Variants in AEBP2 observed in about 807,000 individuals in gnomAD.
AEBP2 encodes AE binding protein 2, also known as zinc finger protein AEBP2.
Under a neutral mutation model 50.8 loss-of-function variants are expected in AEBP2, and 10 were observed. The observed-to-expected ratio is 0.20, with a 90% CI of 0.12 to 0.33. AEBP2 has a LOEUF of 0.33. AEBP2 is among the 10% of genes least tolerant of loss of function. AEBP2 has a pLI of 1.00. For synonymous variants in AEBP2, 296 were observed against 261.3 expected (o/e 1.13, Z -1.28); for missense variants, 570 against 688.0 (o/e 0.83, Z 1.92).
chr12:19,412,903 G>T (rs539082645), intron 1 of AEBP2, among the ~76,000 whole-genome samples: 116 of 152,336 alleles, frequency 7.6e-4, no homozygotes, highest in African/African-American at 2.7e-3. Flanking sequence ...GCGCTGCCCT[G>T]GCGGCCTCAT....
chr12:19,460,923 C>T (rs1302166417), intron 1 of AEBP2, among the ~76,000 whole-genome samples: 1 of 151,288 alleles, frequency 6.6e-6, no homozygotes, highest in East Asian at 2.0e-4. Flanking sequence ...CAAAGTGCTG[C>T]GATTACAGGC....
intron 1 of AEBP2, among the ~76,000 whole-genome samples, chr12:19,453,504 G>A (rs1331787587): frequency 2.0e-5 from 3 of 150,256 alleles, no homozygotes; most frequent in Admixed American, 1.3e-4. Context: ...GCTCACTGTA[G>A]CCTCCGCTTC....
intron 4 of AEBP2, among the ~76,000 whole-genome samples, chr12:19,495,838 C>T (rs955544954): frequency 6.6e-6 from 1 of 152,128 alleles, no homozygotes; most frequent in Non-Finnish European, 1.5e-5. Context: ...CCCACCATAC[C>T]TGGCCTTAAG....
Position 19,518,424 on chromosome 12 carries a change from G to T in AEBP2, c.*307G>T, listed in dbSNP as rs1173172765. The T allele has an allele frequency of 1.6e-6, 2 of 1,227,202 alleles. No individual in the cohort carries two copies. Among genetic ancestry groups the T allele is most frequent in the Non-Finnish European group, 2.0e-6 (2 of 983,140 alleles). 76.0% of individuals were successfully genotyped at this position (1,227,202 alleles called of 1,614,324 possible). On this transcript the variant is annotated 3_prime_UTR_variant, in exon 8 of 8. Coordinates refer to ENST00000266508, the MANE Select transcript of AEBP2 (RefSeq NM_153207.5). ...AGCTTCTTAAAGGCTTTGCATGCTT[G>T]CTGCTTTAAGCTGCTTTTTTTTTTC...
intron 1 of AEBP2, chr12:19,456,905 T>A (rs1004063881): frequency 1.4e-6 from 2 of 1,447,066 alleles, no homozygotes; most frequent in African/African-American, 2.8e-5. Context: ...CAAAGGGGCT[T>A]GTTAGTTGGA....
chr12:19,510,592 A>G (rs1419927775), intron 5 of AEBP2, among the ~76,000 whole-genome samples: 2 of 152,198 alleles, frequency 1.3e-5, no homozygotes, highest in Admixed American at 6.5e-5. Flanking sequence ...TTTGCTGAAT[A>G]TGTAAATGAA....
At chr12:19,512,283 G>A (rs902854786) in intron 5 of AEBP2, 115 bp from the exon 6 acceptor site, 13 of 618,690 alleles carry the variant, frequency 2.1e-5, no homozygotes, top group Non-Finnish European at 3.2e-5. Context: ...GCCTCCCAAA[G>A]TGCTGGGATT....
chr12:19,500,737 A>G (rs530243606), intron 5 of AEBP2, among the ~76,000 whole-genome samples: 3 of 152,332 alleles, frequency 2.0e-5, no homozygotes, highest in African/African-American at 4.8e-5. Context: ...CCACTCATCT[A>G]TCCCAAGTGC....
At chr12:19,441,892 G>A (rs192106933) in intron 1 of AEBP2, among the ~76,000 whole-genome samples, 176 of 152,186 alleles carry the variant, frequency 1.2e-3, no homozygotes, top group Admixed American at 2.8e-3. Context: ...CAGTATACAC[G>A]TATTATGCTT....
chr12:19,439,423 G>A (rs1332052815), upstream of AEBP2, among the ~76,000 whole-genome samples: 1 of 150,190 alleles, frequency 6.7e-6, no homozygotes. Context: ...CGGGCGCCGG[G>A]CGGGGGCGGG....
intron 5 of AEBP2, among the ~76,000 whole-genome samples, chr12:19,504,265 T>A (rs960648430): frequency 6.6e-6 from 1 of 151,276 alleles, no homozygotes; most frequent in Non-Finnish European, 1.5e-5. Context: ...GACGGAGTCT[T>A]GCTCTGTCGC....
chr12:19,517,843 A>G (rs1047186618), intron 7 of AEBP2, among the ~76,000 whole-genome samples: 14 of 152,252 alleles, frequency 9.2e-5, no homozygotes, highest in Non-Finnish European at 1.9e-4. Flanking sequence ...GCTAAAATAT[A>G]TGTATTACAC....
intron 1 of AEBP2, among the ~76,000 whole-genome samples, chr12:19,449,507 A>G (rs1393960620): frequency 6.6e-6 from 1 of 152,222 alleles, no homozygotes; most frequent in African/African-American, 2.4e-5. Flanking sequence ...TGATAAAAGA[A>G]TGTAGCCTAC....
intron 1 of AEBP2, chr12:19,404,355 C>T (rs1156327391): frequency 6.6e-6 from 1 of 152,304 alleles, no homozygotes; most frequent in East Asian, 1.9e-4. Flanking sequence ...AGGCCTTCCC[C>T]TGTGGCCTGG....
In AEBP2 at chr12:19,429,419, A is replaced by C. The variant is rs1163061874; in HGVS notation, c.-17+25203A>C. On this transcript the variant is annotated intron_variant, in intron 1 of 3. Transcript: ENST00000538425. ...TGGTTCCAAGTCTTTGCTATTGTGA[A>C]TAGTGCCGCAATAAACACACGTGTG... Among the ~76,000 whole-genome samples the C allele has an allele frequency of 4.6e-5, 7 of 152,276 alleles. No homozygotes were observed. In the South Asian group the frequency reaches 1.2e-3, roughly 27 times the overall value.
chr12:19,517,233 C>G (rs1158580583), intron 7 of AEBP2, among the ~76,000 whole-genome samples: 1 of 151,862 alleles, frequency 6.6e-6, no homozygotes, highest in Non-Finnish European at 1.5e-5. Context: ...AACAATTATT[C>G]TTACTTGTTT....
intron 4 of AEBP2, among the ~76,000 whole-genome samples, chr12:19,495,193 G>A (rs1565730530): frequency 6.6e-6 from 1 of 152,108 alleles, no homozygotes; most frequent in Non-Finnish European, 1.5e-5. Context: ...ATGAGCCACT[G>A]TGCTCGAGCA....
At position 19,493,808 on chromosome 12, in the gene AEBP2, T is replaced by C. The variant is rs775414562; in HGVS notation, c.996T>C (p.Val332=). The C allele has an allele frequency of 1.9e-6, 3 of 1,613,792 alleles. No homozygotes were observed. The highest frequency in any genetic ancestry group is 2.7e-5 in the African/African-American group (2 of 75,046). ...HSGDKPFKCV[V]GGCNASFASQ... ...GTTTTATTTTCTTTTAGTGTGTTGT[T>C]GGTGGCTGCAATGCCAGCTTTGCTT... Residue 332 remains valine (V), a synonymous_variant, in exon 4 of 8, where the codon GTT becomes GTC. Transcript: ENST00000266508.
At chr12:19,498,264 A>C (rs972332998) in intron 4 of AEBP2, among the ~76,000 whole-genome samples, 1 of 152,148 alleles carries the variant, frequency 6.6e-6, no homozygotes, top group Admixed American at 6.5e-5. Context: ...ATCTAACAGG[A>C]AAGTGATGTA....
Sources: allele counts gnomAD v4.1 joint callset (sites outside exome capture counted in the v4.1 genomes callset), GRCh38; gene constraint gnomAD v4.1.1; transcripts MANE v1.5; gene names NCBI Gene and HGNC (gene_info 2026-07-23, HGNC 2026-07-21).